FUT8: variants seen among roughly 807,000 people sequenced by gnomAD.
The protein encoded by FUT8 is alpha-(1,6)-fucosyltransferase.
FUT8 carries 29 observed loss-of-function variants against 71.3 expected under a neutral mutation model. The observed-to-expected ratio is 0.41, with a 90% CI of 0.30 to 0.55. The LOEUF is 0.55. Among genes scored for constraint, FUT8 ranks in the 20% least tolerant of loss-of-function variants. The pLI is 0.34. For synonymous variants in FUT8, 254 were observed against 239.3 expected (o/e 1.06, Z -0.57); for missense variants, 544 against 702.1 (o/e 0.77, Z 2.55).
Position 65,646,230 on chromosome 14 carries a change from A to T in FUT8, c.597+16624A>T, listed in dbSNP as rs535618110. The T allele has an allele frequency of 2.6e-5, 4 of 152,334 alleles. No homozygotes were observed. The East Asian group carries it at 7.7e-4, about 29-fold the overall frequency. 9.4% of individuals were successfully genotyped at this position (152,334 alleles called of 1,614,324 possible). A position where few individuals can be genotyped will look rare whatever the true frequency, so the allele number is the denominator to read the frequency against. On this transcript the variant is annotated intron_variant, in intron 6 of 10. Coordinates refer to ENST00000673929, the MANE Select transcript of FUT8 (RefSeq NM_001371533.1). ...AGGAAGCTCTTCCCATTGAACTAGG[A>T]GGGCACCTCAAGTTCCTAAGGGGTT...
chr14:65,572,809 T>C lies in FUT8; in HGVS notation c.203+11043T>C, dbSNP rs77393204. 6.3e-3 allele frequency among the ~76,000 whole-genome samples: 952 copies of C among 152,280 alleles called. 12 individuals carry two copies. The highest frequency in any genetic ancestry group is 0.035 in the East Asian group (184 of 5,192). On this transcript the variant is annotated intron_variant, in intron 3 of 10. Transcript: ENST00000673929. ...AGTGTGAAATACCTGAGGCAAAATA[T>C]GTGAGACAGGAGAAATAGATAAATT...
At chr14:65,511,913 C>A (rs377252613) in intron 2 of FUT8, among the ~76,000 whole-genome samples, 61 of 152,268 alleles carry the variant, frequency 4.0e-4, no homozygotes, top group African/African-American at 1.3e-3. Flanking sequence ...TATTGACAAA[C>A]AAGGACTTAT....
intron 9 of FUT8, among the ~76,000 whole-genome samples, chr14:65,725,234 G>A (rs528479005): frequency 1.3e-5 from 2 of 152,236 alleles, no homozygotes; most frequent in South Asian, 2.1e-4. Context: ...TATTTTTTGA[G>A]CTTGCCTGTA....
intron 3 of FUT8, among the ~76,000 whole-genome samples, chr14:65,597,711 A>G (rs1236850107): frequency 1.6e-5 from 2 of 127,292 alleles, no homozygotes; most frequent in Non-Finnish European, 2.0e-5. Flanking sequence ...AGTGTAACAG[A>G]ATTTTTTTTT....
the FUT8 span, among the ~76,000 whole-genome samples, chr14:65,366,499 A>G: frequency 6.6e-6 from 1 of 152,140 alleles, no homozygotes. Context: ...GATCACAATG[A>G]CATTATATGT....
intron 2 of FUT8, among the ~76,000 whole-genome samples, chr14:65,465,328 T>G (rs527676798): frequency 6.6e-6 from 1 of 152,278 alleles, no homozygotes; most frequent in Non-Finnish European, 1.5e-5. Context: ...CATCCCACAT[T>G]TATTTACTTA....
chr14:65,478,351 C>T (rs1423289074), intron 2 of FUT8, among the ~76,000 whole-genome samples: 6 of 152,080 alleles, frequency 3.9e-5, no homozygotes, highest in South Asian at 2.1e-4. Flanking sequence ...CTGAAACCGA[C>T]GTGACACTCT....
chr14:65,629,661 T>A, intron 6 of FUT8, 55 bp downstream of exon 6: 1 of 1,169,030 alleles, frequency 8.6e-7, no homozygotes, highest in Non-Finnish European at 1.3e-6. Context: ...GATCATAATA[T>A]AACTAAGAGT....
At chr14:65,545,195 C>T (rs1884917604) in intron 2 of FUT8, among the ~76,000 whole-genome samples, 1 of 151,924 alleles carries the variant, frequency 6.6e-6, no homozygotes, top group Non-Finnish European at 1.5e-5. Flanking sequence ...TTGTAAATTA[C>T]CCTTTTCCCG....
At chr14:65,544,717 T>G (rs1884885346) in intron 2 of FUT8, among the ~76,000 whole-genome samples, 1 of 152,104 alleles carries the variant, frequency 6.6e-6, no homozygotes, top group African/African-American at 2.4e-5. Flanking sequence ...CTAGGAAGAT[T>G]AATTTCTAAG....
rs76395783 is a variant in FUT8 at position 65,515,166 on chromosome 14, C to T, written c.-227-46171C>T. Among the ~76,000 whole-genome samples, 169 of 147,904 alleles carry T rather than the reference C, an allele frequency of 1.1e-3. 1 individual carries two copies. The East Asian group carries it at 0.026, about 22-fold the overall frequency. On this transcript the variant is annotated intron_variant, in intron 2 of 10. Transcript: ENST00000673929. ...TTTCTTGAATCTGAATGTCAAATTG[C>T]TAAAAACTTGTATAAATTTGTGAGT...
intron 2 of FUT8, among the ~76,000 whole-genome samples, chr14:65,549,388 C>T (rs185286147): frequency 1.3e-5 from 2 of 151,610 alleles, no homozygotes; most frequent in Admixed American, 1.3e-4. Flanking sequence ...GATTAGAAGC[C>T]CCCTGCATTT....
chr14:65,502,919 G>A (rs952808656), intron 2 of FUT8, among the ~76,000 whole-genome samples: 6 of 152,204 alleles, frequency 3.9e-5, no homozygotes, highest in Non-Finnish European at 8.8e-5. Flanking sequence ...CCCAGGGGAG[G>A]CTGGAGCTAC....
chr14:65,614,644 G>A (rs1259868889), intron 3 of FUT8, among the ~76,000 whole-genome samples: 1 of 152,056 alleles, frequency 6.6e-6, no homozygotes, highest in African/African-American at 2.4e-5. Context: ...CTTGCTCATG[G>A]TTGCTTCTTC....
intron 1 of FUT8, among the ~76,000 whole-genome samples, chr14:65,431,072 T>G (rs539880027): frequency 4.0e-5 from 6 of 149,582 alleles, no homozygotes; most frequent in African/African-American, 1.5e-4. Context: ...CTCGGCTCAC[T>G]GCAACCTCCT....
At chr14:65,471,210 A>G in intron 2 of FUT8, 1 of 189,480 alleles carries the variant, frequency 5.3e-6, no homozygotes, top group Non-Finnish European at 1.2e-5. Context: ...GCCTGAGTTG[A>G]GTAACTGTCT....
chr14:65,357,950 A>G, the FUT8 span, among the ~76,000 whole-genome samples: 1 of 152,202 alleles, frequency 6.6e-6, no homozygotes, highest in Admixed American at 6.5e-5. Flanking sequence ...AAAGACAAAC[A>G]CCACATGATT....
In FUT8 at chr14:65,689,542, G is replaced by A. The variant is rs927237348; in HGVS notation, c.835+20062G>A. 2.6e-5 allele frequency among the ~76,000 whole-genome samples: 4 copies of A among 151,782 alleles called. No homozygotes were observed. In the South Asian group the frequency reaches 6.3e-4, roughly 24 times the overall value. ...GCAGAGGTTTTTTGTTTGTTTGTTTGTTTTTTTGTTTTTTGTTACAGAGTC... is the reference window on the plus strand; with the variant it reads ...GCAGAGGTTTTTTGTTTGTTTGTTTATTTTTTTGTTTTTTGTTACAGAGTC... On this transcript the variant is annotated intron_variant, in intron 7 of 10. Transcript: ENST00000673929.
intron 2 of FUT8, among the ~76,000 whole-genome samples, chr14:65,482,326 CTTTCT>C (rs936941316): frequency 1.9e-4 from 29 of 151,144 alleles, no homozygotes; most frequent in Non-Finnish European, 3.1e-4. Context: ...ACCTCTTTGT[CTTTCT>C]TTTTTTTTTG....
Sources: gnomAD v4.1 joint callset for allele counts (sites outside exome capture counted in the v4.1 genomes callset) on GRCh38, gnomAD v4.1.1 for gene constraint, MANE v1.5 for transcripts, NCBI Gene and HGNC (gene_info 2026-07-23, HGNC 2026-07-21) for gene names.